Variants in ADD3 observed in about 807,000 individuals in gnomAD.
ADD3 encodes the protein gamma-adducin.
A neutral mutation model predicts 80.2 loss-of-function variants in ADD3; 25 were observed. That is an observed-to-expected ratio of 0.31 (90% CI 0.23 to 0.44). ADD3 has a LOEUF of 0.44. Ranked by LOEUF, ADD3 falls within the 20% of genes least tolerant of loss-of-function variation. The probability of loss-of-function intolerance (pLI) is 1.00; values close to 1 mark genes in which losing one functional copy is unlikely to be tolerated. For synonymous variants in ADD3, 284 were observed against 289.6 expected (o/e 0.98, Z 0.20); for missense variants, 829 against 847.5 (o/e 0.98, Z 0.27).
chr10:110,116,464 C>G, intron 4 of ADD3, 54 bp downstream of exon 4: 1 of 1,571,488 alleles, frequency 6.4e-7, no homozygotes. Flanking sequence ...TAGAAGGCAA[C>G]TATACTCTTC....
intron 1 of ADD3, among the ~76,000 whole-genome samples, chr10:110,049,900 A>G (rs1373844605): frequency 6.6e-6 from 1 of 152,062 alleles, no homozygotes; most frequent in South Asian, 2.1e-4. Flanking sequence ...AAAAAAAAAA[A>G]AAAAAGATTT....
At chr10:110,008,331 C>T (rs1851877350) in intron 1 of ADD3, 32 bp downstream of exon 1, 1 of 152,314 alleles carries the variant, frequency 6.6e-6, no homozygotes, top group Non-Finnish European at 1.5e-5. Context: ...GCGCCGTCGT[C>T]CCGCCTCTCT....
upstream of ADD3, among the ~76,000 whole-genome samples, chr10:110,007,336 C>A (rs1004659691): frequency 6.6e-6 from 1 of 152,176 alleles, no homozygotes; most frequent in African/African-American, 2.4e-5. Flanking sequence ...TAGGCGCCCG[C>A]GAAGGCAGCT....
intron 1 of ADD3, among the ~76,000 whole-genome samples, chr10:110,040,970 C>G (rs201799684): frequency 1.9e-4 from 5 of 26,312 alleles, no homozygotes; most frequent in Non-Finnish European, 7.5e-4. Context: ...CTCTGTCTCT[C>G]TCTCTCTCTC....
intron 1 of ADD3, among the ~76,000 whole-genome samples, chr10:110,037,365 G>C (rs949215511): frequency 6.6e-6 from 1 of 152,162 alleles, no homozygotes; most frequent in Non-Finnish European, 1.5e-5. Context: ...AGCACTTTGG[G>C]AGGCCGAGGC....
chr10:110,011,110 A>G (rs538236225), intron 1 of ADD3, among the ~76,000 whole-genome samples: 2 of 146,948 alleles, frequency 1.4e-5, no homozygotes, highest in South Asian at 4.3e-4. Flanking sequence ...GAAGCTTACC[A>G]GATATGTAGG....
intron 1 of ADD3, among the ~76,000 whole-genome samples, chr10:110,097,893 G>C (rs1848357669): frequency 6.6e-6 from 1 of 151,354 alleles, no homozygotes; most frequent in African/African-American, 2.4e-5. Flanking sequence ...TCCTGCCTCA[G>C]CCTCCTGAGT....
rs564034460 is a variant in ADD3 at position 110,079,528 on chromosome 10, A to G, written c.-29-21097A>G. 2.0e-5 allele frequency among the ~76,000 whole-genome samples: 3 copies of G among 150,712 alleles called. No homozygotes were observed. The East Asian group carries it at 5.8e-4, about 29-fold the overall frequency. On this transcript the variant is annotated intron_variant, in intron 1 of 14. Transcript: ENST00000356080. Reference sequence around the variant, plus strand: ...ATCTACCTGAACATCTTTTTAATACATATAAAATTATACCATTATGTATCT... The same window carrying G: ...ATCTACCTGAACATCTTTTTAATACGTATAAAATTATACCATTATGTATCT...
At chr10:110,127,357 G>A (rs1852306983) in intron 12 of ADD3, among the ~76,000 whole-genome samples, 2 of 152,264 alleles carry the variant, frequency 1.3e-5, no homozygotes, top group East Asian at 1.9e-4. Context: ...AGTGGCTCAC[G>A]CCTGTAATCC....
chr10:110,113,134 T>G (rs1850260078), intron 3 of ADD3, among the ~76,000 whole-genome samples: 1 of 152,176 alleles, frequency 6.6e-6, no homozygotes, highest in Non-Finnish European at 1.5e-5. Context: ...GATTCTGGGC[T>G]GGGACTTGTG....
upstream of ADD3, among the ~76,000 whole-genome samples, chr10:110,002,596 G>A (rs1312890071): frequency 6.6e-6 from 1 of 152,068 alleles, no homozygotes; most frequent in Admixed American, 6.5e-5. Flanking sequence ...CCCTTAAGTT[G>A]AGTTTCTATG....
intron 9 of ADD3, 111 bp from the exon 10 acceptor site, chr10:110,123,906 G>GT (rs1409020707): frequency 6.0e-6 from 7 of 1,164,468 alleles, no homozygotes; most frequent in Non-Finnish European, 7.2e-6. Context: ...CTTTTTCTTT[G>GT]TTTTTTAGCA....
chr10:110,100,170 A>AAAATATTACTTAAAAAAAT (rs1848642683), intron 1 of ADD3, among the ~76,000 whole-genome samples: 2 of 152,106 alleles, frequency 1.3e-5, no homozygotes, highest in Non-Finnish European at 2.9e-5. Context: ...AATATGGTGA[A>AAAATATTACTTAAAAAAAT]ACCCCATCTC....
At chr10:110,067,314 A>G (rs1391611813) in intron 1 of ADD3, among the ~76,000 whole-genome samples, 4 of 152,202 alleles carry the variant, frequency 2.6e-5, no homozygotes, top group African/African-American at 9.6e-5. Flanking sequence ...TTCTAGCCAC[A>G]TGATTGAAAA....
At chr10:110,112,474 T>G (rs1374762864) in intron 2 of ADD3, 1 of 213,328 alleles carries the variant, frequency 4.7e-6, no homozygotes, top group Non-Finnish European at 9.3e-6. Flanking sequence ...TTACAATGGT[T>G]TCTTGGTGCT....
intron 1 of ADD3, among the ~76,000 whole-genome samples, chr10:109,999,919 G>GT (rs1211606435): frequency 0.052 from 6,020 of 115,676 alleles, 457 homozygotes; most frequent in African/African-American, 0.16. Flanking sequence ...TCTTAAGGTT[G>GT]TTTTTTTTTT....
intron 1 of ADD3, among the ~76,000 whole-genome samples, chr10:110,079,460 G>GAA (rs1845797920): frequency 9.3e-6 from 1 of 107,240 alleles, no homozygotes; most frequent in Non-Finnish European, 1.8e-5. Context: ...GAGAGAGAGA[G>GAA]AGTGTGTGTG....
intron 10 of ADD3, among the ~76,000 whole-genome samples, chr10:110,124,944 A>G (rs1006902033): frequency 3.3e-5 from 5 of 152,170 alleles, no homozygotes; most frequent in African/African-American, 1.2e-4. Context: ...TTGTTAAACT[A>G]ATCAGCTATC....
At chr10:110,120,069 CTTTT>C (rs1175843382) in intron 8 of ADD3, among the ~76,000 whole-genome samples, 2 of 141,972 alleles carry the variant, frequency 1.4e-5, no homozygotes, top group African/African-American at 6.2e-5. Flanking sequence ...TTTTCTTTTT[CTTTT>C]TCTTTTTTTT....
Sources: gnomAD v4.1 joint callset for allele counts (sites outside exome capture counted in the v4.1 genomes callset) on GRCh38, gnomAD v4.1.1 for gene constraint, MANE v1.5 for transcripts, NCBI Gene and HGNC (gene_info 2026-07-23, HGNC 2026-07-21) for gene names.